Variants in CSMD1 observed in about 807,000 individuals in gnomAD.
The protein encoded by CSMD1 is CUB and Sushi multiple domains 1, also known as CUB and sushi domain-containing protein 1.
In CSMD1, 213 loss-of-function variants were observed where a neutral mutation model predicts 417.5. The ratio of observed to expected loss-of-function variants is 0.51; its 90% confidence interval spans 0.46 to 0.57. CSMD1 has a LOEUF of 0.57. CSMD1 is among the 20% of genes least tolerant of loss of function. The pLI, the probability that CSMD1 is intolerant of heterozygous loss-of-function variation, is 0.00. For synonymous variants in CSMD1, 2,862 were observed against 1,736.8 expected (o/e 1.65, Z -16.11); for missense variants, 6,923 against 4,529.7 (o/e 1.53, Z -15.17).
chr8:2,940,317 T>C (rs941962805), intron 69 of CSMD1, among the ~76,000 whole-genome samples: 7 of 152,180 alleles, frequency 4.6e-5, no homozygotes, highest in African/African-American at 7.2e-5. Context: ...ACCCAATGGA[T>C]TGAGAAGTCA....
At chr8:3,173,440 G>A (rs191600625) in intron 37 of CSMD1, among the ~76,000 whole-genome samples, 8 of 152,264 alleles carry the variant, frequency 5.3e-5, no homozygotes, top group Admixed American at 5.2e-4. Flanking sequence ...ATTAATGAAA[G>A]CAATTTTAAT....
rs527284270 is a variant in CSMD1, at chr8:4,109,819, A to G, written c.416-77720T>C. On this transcript the variant is annotated intron_variant, in intron 3 of 69. Transcript: ENST00000635120. ...GACTAAACAAAAAGGGTGTTACCATAAATACTTAAAACAGAGTAAGATAAA... is the reference window on the plus strand; with the variant it reads ...GACTAAACAAAAAGGGTGTTACCATGAATACTTAAAACAGAGTAAGATAAA... Among the ~76,000 whole-genome samples, 3 of 152,322 alleles carry G rather than the reference A, an allele frequency of 2.0e-5. No individual in the cohort carries two copies. The South Asian group carries it at 6.2e-4, about 32-fold the overall frequency.
At chr8:4,573,451 G>A (rs1798982487) in intron 2 of CSMD1, among the ~76,000 whole-genome samples, 1 of 152,136 alleles carries the variant, frequency 6.6e-6, no homozygotes. Flanking sequence ...ACCAGTGGAG[G>A]CTGCAGAACA....
At chr8:4,334,978 A>G (rs540410250) in intron 3 of CSMD1, among the ~76,000 whole-genome samples, 1 of 152,220 alleles carries the variant, frequency 6.6e-6, no homozygotes, top group East Asian at 1.9e-4. Context: ...AGTGTCCTCC[A>G]GGCTTGTCTT....
chr8:4,044,810 G>C (rs1029562107), intron 3 of CSMD1, among the ~76,000 whole-genome samples: 9 of 152,220 alleles, frequency 5.9e-5, no homozygotes, highest in Non-Finnish European at 1.2e-4. Context: ...CCCTGGATGT[G>C]AACCATCCTC....
At chr8:3,641,002 T>C (rs1489057855) in intron 7 of CSMD1, among the ~76,000 whole-genome samples, 2 of 150,138 alleles carry the variant, frequency 1.3e-5, no homozygotes, top group African/African-American at 2.4e-5. Context: ...TTTTAAATCC[T>C]CTATTTTGTG....
At chr8:3,838,010 C>A (rs11786944) in intron 5 of CSMD1, among the ~76,000 whole-genome samples, 53,626 of 151,880 alleles carry the variant, frequency 0.35, 10,017 homozygotes, top group African/African-American at 0.48. Context: ...ATGCCCTCCC[C>A]AACTAATTAT....
At chr8:3,291,024 T>G (rs919570500) in intron 25 of CSMD1, among the ~76,000 whole-genome samples, 1 of 152,202 alleles carries the variant, frequency 6.6e-6, no homozygotes, top group East Asian at 1.9e-4. Context: ...TTTGAGAGTT[T>G]TTAGCATGAA....
intron 1 of CSMD1, among the ~76,000 whole-genome samples, chr8:4,849,018 T>C (rs140509170): frequency 5.1e-4 from 77 of 151,812 alleles, no homozygotes; most frequent in Non-Finnish European, 8.4e-4. Context: ...GTTGTCATCC[T>C]AGGAGATGAC....
chr8:2,943,398 T>C (rs1398603470), intron 68 of CSMD1, among the ~76,000 whole-genome samples: 1 of 152,094 alleles, frequency 6.6e-6, no homozygotes, highest in African/African-American at 2.4e-5. Flanking sequence ...TGGCTATTTT[T>C]TGTATTTTTA....
intron 8 of CSMD1, among the ~76,000 whole-genome samples, chr8:3,608,115 A>T (rs182229365): frequency 6.6e-6 from 1 of 150,742 alleles, no homozygotes; most frequent in African/African-American, 2.4e-5. Context: ...GAGAGGTTGC[A>T]GTGAGCCAAG....
At chr8:3,523,061 A>C (rs1464392342) in intron 10 of CSMD1, among the ~76,000 whole-genome samples, 1 of 151,760 alleles carries the variant, frequency 6.6e-6, no homozygotes, top group African/African-American at 2.4e-5. Context: ...AATAAGAGTT[A>C]AAAATTGAAT....
intron 50 of CSMD1, among the ~76,000 whole-genome samples, chr8:3,052,226 T>G (rs1052130167): frequency 3.9e-5 from 6 of 152,224 alleles, no homozygotes; most frequent in Non-Finnish European, 8.8e-5. Context: ...AATTACATCG[T>G]GTCTATACTG....
At chr8:2,978,835 A>G in intron 54 of CSMD1, 35 bp from the exon 55 acceptor site, 1 of 1,529,986 alleles carries the variant, frequency 6.5e-7, no homozygotes, top group Non-Finnish European at 8.8e-7. Context: ...CCATTTAGAA[A>G]CAGCTAGAAA....
chr8:3,293,507 T>G (rs1005794050), intron 25 of CSMD1, among the ~76,000 whole-genome samples: 2 of 152,208 alleles, frequency 1.3e-5, no homozygotes, highest in African/African-American at 4.8e-5. Context: ...CCATATTTCT[T>G]GGAGGCTTTG....
chr8:4,052,178 G>A (rs925201257), intron 3 of CSMD1, among the ~76,000 whole-genome samples: 1 of 152,078 alleles, frequency 6.6e-6, no homozygotes, highest in African/African-American at 2.4e-5. Flanking sequence ...ACCCACCTTG[G>A]CCTCCGAAAG....
chr8:3,507,711 A>T (rs1211302371), intron 10 of CSMD1, among the ~76,000 whole-genome samples: 1 of 152,182 alleles, frequency 6.6e-6, no homozygotes, highest in Non-Finnish European at 1.5e-5. Context: ...CTGGTATGAG[A>T]TGGTATCTCA....
At chr8:3,863,369 C>T (rs1018089112) in intron 5 of CSMD1, among the ~76,000 whole-genome samples, 1 of 145,332 alleles carries the variant, frequency 6.9e-6, no homozygotes, top group African/African-American at 2.6e-5. Flanking sequence ...GCACTCTAGC[C>T]TAGGCTACAG....
chr8:4,635,483 A>G (rs972766617), intron 2 of CSMD1, among the ~76,000 whole-genome samples: 5 of 152,192 alleles, frequency 3.3e-5, no homozygotes, highest in African/African-American at 7.2e-5. Context: ...TTTTCTATAT[A>G]TGAAAGAACT....
Sources: allele counts gnomAD v4.1 joint callset (sites outside exome capture counted in the v4.1 genomes callset), GRCh38; gene constraint gnomAD v4.1.1; transcripts MANE v1.5; gene names NCBI Gene and HGNC (gene_info 2026-07-23, HGNC 2026-07-21).